MYO3B: variants seen among roughly 807,000 people sequenced by gnomAD.
The protein encoded by MYO3B is myosin IIIB.
MYO3B carries 156 observed loss-of-function variants against 174.6 expected under a neutral mutation model. That is an observed-to-expected ratio of 0.89 (90% CI 0.78 to 1.02). MYO3B has a LOEUF of 1.02. Among genes scored for constraint, MYO3B ranks in the 50% least tolerant of loss-of-function variants. The pLI is 0.00. For synonymous variants in MYO3B, 563 were observed against 569.1 expected (o/e 0.99, Z 0.15); for missense variants, 1,632 against 1,639.4 (o/e 1.00, Z 0.08).
chr2:170,221,565 T>G lies in MYO3B; in HGVS notation c.603+4170T>G, dbSNP rs368442139. 8.4e-4 allele frequency among the ~76,000 whole-genome samples: 128 copies of G among 152,234 alleles called. 2 individuals carry two copies. The South Asian group carries it at 0.026, about 31-fold the overall frequency. On this transcript the variant is annotated intron_variant, in intron 6 of 34. Transcript: ENST00000408978. ...TCCCTACTCATTTTCTCTTACTACCTCATTTGGACACTACTAAAGTTGAAA... is the reference window on the plus strand; with the variant it reads ...TCCCTACTCATTTTCTCTTACTACCGCATTTGGACACTACTAAAGTTGAAA...
At chr2:170,293,079 C>T (rs965230554) in intron 7 of MYO3B, among the ~76,000 whole-genome samples, 6 of 152,128 alleles carry the variant, frequency 3.9e-5, no homozygotes, top group Non-Finnish European at 5.9e-5. Flanking sequence ...AACTCTTTCA[C>T]TGTTGACTTG....
intron 32 of MYO3B, among the ~76,000 whole-genome samples, chr2:170,597,005 T>C (rs1012571173): frequency 4.6e-5 from 7 of 152,224 alleles, no homozygotes; most frequent in South Asian, 2.1e-4. Context: ...GTTTCAGGGA[T>C]GTAGTGCCAG....
chr2:170,191,171 C>T (rs1033397309), intron 1 of MYO3B, among the ~76,000 whole-genome samples: 1 of 151,224 alleles, frequency 6.6e-6, no homozygotes, highest in African/African-American at 2.4e-5. Flanking sequence ...TTCCTGGTAC[C>T]CTGTCCTACC....
chr2:170,545,300 C>T (rs1490357281), intron 32 of MYO3B, among the ~76,000 whole-genome samples: 1 of 152,152 alleles, frequency 6.6e-6, no homozygotes, highest in Non-Finnish European at 1.5e-5. Flanking sequence ...TACCTTAGTA[C>T]CTACACATGT....
chr2:170,374,204 A>G (rs2094270932), intron 9 of MYO3B, among the ~76,000 whole-genome samples: 1 of 152,216 alleles, frequency 6.6e-6, no homozygotes, highest in South Asian at 2.1e-4. Flanking sequence ...GACTGACTTC[A>G]GTGGACATGA....
rs755159990 is a variant in MYO3B at position 170,407,801 on chromosome 2, C to A, written c.2607C>A (p.Asn869Lys). The change falls in exon 22 of 35, where the codon AAC (asparagine) becomes AAA (lysine). Residue 869 changes from asparagine to lysine, a missense_variant. Coordinates refer to ENST00000408978, the MANE Select transcript of MYO3B (RefSeq NM_138995.5). The stretch of plus-strand genomic sequence containing the variant: ...TTGTGGTCCTGAGAACGTCAGAAAA[C>A]AAGCTTCTTCAGCAGCTCTTCTCAA... ...DVVVVLRTSENKLLQQLFSIP... is the reference protein window; with the variant it reads ...DVVVVLRTSEKKLLQQLFSIP... 6.2e-7 allele frequency: 1 copy of A among 1,614,042 alleles called. No individual in the cohort carries two copies. Among genetic ancestry groups the A allele is most frequent in the Admixed American group, 1.7e-5 (1 of 60,018 alleles).
At chr2:170,538,395 A>G (rs1330080115) in intron 30 of MYO3B, among the ~76,000 whole-genome samples, 2 of 152,348 alleles carry the variant, frequency 1.3e-5, no homozygotes, top group East Asian at 1.9e-4. Context: ...TCATCCCTCA[A>G]TGAACTGACA....
In MYO3B at chr2:170,214,336, T is replaced by A; in HGVS notation, c.322-43T>A. The A allele has an allele frequency of 4.7e-6, 7 of 1,485,504 alleles. No homozygotes were observed. The Admixed American group carries it at 1.3e-4, about 27-fold the overall frequency. 92.0% of individuals were successfully genotyped at this position (1,485,504 alleles called of 1,614,324 possible). A position where few individuals can be genotyped will look rare whatever the true frequency, so the allele number is the denominator to read the frequency against. ...ATTTCTTTTTCTTTTCTTTTTCACA[T>A]GTGGTCTCCTGCTCTCCCTGTGTCT... On this transcript the variant is annotated intron_variant, in intron 3 of 34. Transcript: ENST00000408978.
intron 30 of MYO3B, among the ~76,000 whole-genome samples, chr2:170,528,330 A>G (rs1257759147): frequency 6.6e-6 from 1 of 152,236 alleles, no homozygotes; most frequent in Non-Finnish European, 1.5e-5. Flanking sequence ...TTCAGCAGAT[A>G]TGATGTTAGA....
chr2:170,631,029 AACAG>A (rs1212431468), intron 32 of MYO3B, among the ~76,000 whole-genome samples: 1 of 152,240 alleles, frequency 6.6e-6, no homozygotes, highest in Non-Finnish European at 1.5e-5. Flanking sequence ...CCTTGCCAGC[AACAG>A]AACAAAGCTG....
At chr2:170,196,870 G>A (rs536621397) in intron 1 of MYO3B, among the ~76,000 whole-genome samples, 2 of 152,306 alleles carry the variant, frequency 1.3e-5, no homozygotes, top group Admixed American at 1.3e-4. Context: ...AGGAGAAGGA[G>A]AGGAGCCTGA....
intron 32 of MYO3B, among the ~76,000 whole-genome samples, chr2:170,557,843 C>T (rs968437413): frequency 1.3e-5 from 2 of 152,110 alleles, no homozygotes; most frequent in Non-Finnish European, 1.5e-5. Context: ...TGTTTCCAGC[C>T]GTCTGCCCAT....
chr2:170,633,949 G>C (rs1697245754), intron 32 of MYO3B, among the ~76,000 whole-genome samples: 1 of 152,130 alleles, frequency 6.6e-6, no homozygotes, highest in Non-Finnish European at 1.5e-5. Context: ...ACAAACCACT[G>C]ATCAACGAAA....
At chr2:170,458,350 G>A (rs1191113021) in intron 23 of MYO3B, among the ~76,000 whole-genome samples, 2 of 152,172 alleles carry the variant, frequency 1.3e-5, no homozygotes, top group Non-Finnish European at 2.9e-5. Context: ...GCACATGAGT[G>A]TAACAGGTGC....
At chr2:170,350,262 A>C (rs549133886) in intron 8 of MYO3B, 1 of 151,680 alleles carries the variant, frequency 6.6e-6, no homozygotes, top group Admixed American at 6.5e-5. Context: ...ACCTCCCAAA[A>C]ACCGAAATTT....
At chr2:170,266,269 G>A (rs2093382583) in intron 7 of MYO3B, among the ~76,000 whole-genome samples, 1 of 152,088 alleles carries the variant, frequency 6.6e-6, no homozygotes, top group African/African-American at 2.4e-5. Context: ...TTAGAGTAAT[G>A]GATTGAGTGC....
At chr2:170,576,342 G>T (rs191762101) in intron 32 of MYO3B, among the ~76,000 whole-genome samples, 4 of 152,304 alleles carry the variant, frequency 2.6e-5, no homozygotes, top group Admixed American at 2.6e-4. Context: ...CTAGTTCTGG[G>T]AGTATGGGGA....
intron 32 of MYO3B, among the ~76,000 whole-genome samples, chr2:170,639,006 GT>G (rs1434435704): frequency 6.6e-6 from 1 of 152,170 alleles, no homozygotes; most frequent in African/African-American, 2.4e-5. Context: ...TCCTCAAAGA[GT>G]GAGGCAGAGC....
chr2:170,553,833 G>C (rs1447839998), intron 32 of MYO3B, among the ~76,000 whole-genome samples: 2 of 152,136 alleles, frequency 1.3e-5, no homozygotes. Context: ...CATGGGGGCG[G>C]ATTTCCCCCT....
Sources: allele counts gnomAD v4.1 joint callset (sites outside exome capture counted in the v4.1 genomes callset), GRCh38; gene constraint gnomAD v4.1.1; transcripts MANE v1.5; gene names NCBI Gene and HGNC (gene_info 2026-07-23, HGNC 2026-07-21).